ZNHIT6: variants seen among roughly 807,000 people sequenced by gnomAD.
ZNHIT6 encodes the protein box C/D snoRNA protein 1.
ZNHIT6 carries 45 observed loss-of-function variants against 57.2 expected under a neutral mutation model. That is an observed-to-expected ratio of 0.79 (90% CI 0.62 to 1.01). ZNHIT6 has a LOEUF of 1.01. Among genes scored for constraint, ZNHIT6 ranks in the 50% least tolerant of loss-of-function variants. The pLI, the probability that ZNHIT6 is intolerant of heterozygous loss-of-function variation, is 0.00. For missense variants in ZNHIT6, 528 were observed against 567.3 expected, an observed-to-expected ratio of 0.93 and a Z score of 0.70; for synonymous variants, 188 against 190.0, an observed-to-expected ratio of 0.99 and a Z score of 0.09.
chr1:85,682,214 CAGG>C (rs1661900365), intron 5 of ZNHIT6, among the ~76,000 whole-genome samples: 1 of 146,124 alleles, frequency 6.8e-6, no homozygotes, highest in African/African-American at 2.5e-5. Context: ...TTAGTAGACA[CAGG>C]GTTTCACTAC....
intron 5 of ZNHIT6, among the ~76,000 whole-genome samples, chr1:85,687,158 T>C (rs1422435567): frequency 6.6e-6 from 1 of 151,178 alleles, no homozygotes; most frequent in Non-Finnish European, 1.5e-5. Flanking sequence ...CGCTCAACTG[T>C]AGTCCTAGCT....
intron 8 of ZNHIT6, 143 bp from the exon 9 acceptor site, chr1:85,658,114 G>GCA (rs1661114569): frequency 4.0e-6 from 2 of 501,744 alleles, no homozygotes; most frequent in East Asian, 3.3e-5. Context: ...AGCATAGTAA[G>GCA]TTTAATACCT....
chr1:85,703,649 T>A (rs1662600760), intron 4 of ZNHIT6, among the ~76,000 whole-genome samples: 1 of 152,128 alleles, frequency 6.6e-6, no homozygotes, highest in Admixed American at 6.5e-5. Flanking sequence ...GTTAAAGACA[T>A]AAGTGTAAAA....
At chr1:85,705,925 C>T (rs1440298824) in intron 4 of ZNHIT6, among the ~76,000 whole-genome samples, 153 bp downstream of exon 4, 5 of 151,812 alleles carry the variant, frequency 3.3e-5, no homozygotes, top group Non-Finnish European at 5.9e-5. Flanking sequence ...CACGAGGGGA[C>T]GGACTTTGTT....
At chr1:85,677,522 C>T (rs1229560487) in intron 7 of ZNHIT6, among the ~76,000 whole-genome samples, 1 of 152,090 alleles carries the variant, frequency 6.6e-6, no homozygotes, top group Non-Finnish European at 1.5e-5. Flanking sequence ...TTTTAAAACA[C>T]CTGTTTCAAT....
At chr1:85,678,869 C>CT (rs1486278738) in intron 6 of ZNHIT6, 88 bp from the exon 7 acceptor site, 11 of 713,192 alleles carry the variant, frequency 1.5e-5, no homozygotes, top group South Asian at 2.5e-5. Flanking sequence ...AATATTGTGG[C>CT]TTTTTTGGTT....
chr1:85,665,510 ATTT>A (rs537318663), intron 8 of ZNHIT6, among the ~76,000 whole-genome samples: 1 of 151,990 alleles, frequency 6.6e-6, no homozygotes, highest in Non-Finnish European at 1.5e-5. Flanking sequence ...CTTACATAGC[ATTT>A]TTTTCTTTTT....
Position 85,680,890 on chromosome 1 carries a change from C to A in ZNHIT6, c.1034G>T (p.Cys345Phe), listed in dbSNP as rs866986956. The A allele has an allele frequency of 6.2e-7, 1 of 1,612,052 alleles. No individual in the cohort carries two copies. The highest frequency in any genetic ancestry group is 1.3e-5 in the African/African-American group (1 of 74,864). The part of the protein sequence containing the change: ...TFFDKKKQQF[C>F]WHVKLQFPQS... ...AGGAAACTGGAGCTTCACATGCCAACAAAACTGTTGTTTTCTAAGAGAGAA... is the reference window on the plus strand; with the variant it reads ...AGGAAACTGGAGCTTCACATGCCAAAAAAACTGTTGTTTTCTAAGAGAGAA... Residue 345 changes from cysteine to phenylalanine, a missense_variant, in exon 6 of 10, where the codon TGT becomes TTT. Physicochemically the swap from Cys to Phe is radical, Grantham distance 205. Coordinates refer to ENST00000370574, the MANE Select transcript of ZNHIT6 (RefSeq NM_017953.4).
rs1660979709 is a variant in ZNHIT6 at position 85,653,733 on chromosome 1, C to T, written c.*325G>A. ...CTCATACCACTTGCACTCCAAGACCCCATCTCAAAAAAAGAAAGAAAAAAG... is the reference window on the plus strand; with the variant it reads ...CTCATACCACTTGCACTCCAAGACCTCATCTCAAAAAAAGAAAGAAAAAAG... On this transcript the variant is annotated 3_prime_UTR_variant, in exon 10 of 10. Coordinates refer to ENST00000370574, the MANE Select transcript of ZNHIT6 (RefSeq NM_017953.4). The T allele has an allele frequency of 1.0e-5, 2 of 195,968 alleles. No individual in the cohort carries two copies. The highest frequency in any genetic ancestry group is 1.2e-4 in the Admixed American group (2 of 16,380). The allele number at this position is 195,968 out of a possible 1,614,324, so 12.1% of individuals were successfully genotyped here.
chr1:85,696,745 G>A (rs959589417), intron 5 of ZNHIT6, among the ~76,000 whole-genome samples: 1 of 151,928 alleles, frequency 6.6e-6, no homozygotes, highest in Non-Finnish European at 1.5e-5. Flanking sequence ...AACAATGGAA[G>A]AGGAAAATGG....
intron 5 of ZNHIT6, among the ~76,000 whole-genome samples, chr1:85,701,941 GACAC>G (rs3059888): frequency 0.78 from 117,806 of 150,314 alleles, 47,890 homozygotes; most frequent in East Asian, 0.95. Context: ...ATGATATGAA[GACAC>G]ACACACACAC....
At chr1:85,673,303 T>G (rs1661614862) in intron 8 of ZNHIT6, among the ~76,000 whole-genome samples, 1 of 152,200 alleles carries the variant, frequency 6.6e-6, no homozygotes, top group African/African-American at 2.4e-5. Context: ...TTCTAAGAGA[T>G]AAATTCAGAC....
intron 8 of ZNHIT6, among the ~76,000 whole-genome samples, chr1:85,673,495 C>A (rs561768967): frequency 1.7e-4 from 26 of 152,276 alleles, no homozygotes; most frequent in African/African-American, 6.0e-4. Flanking sequence ...TGCTATATAC[C>A]TTCCAAGAAT....
At chr1:85,701,219 T>C (rs1427469685) in intron 5 of ZNHIT6, among the ~76,000 whole-genome samples, 1 of 152,202 alleles carries the variant, frequency 6.6e-6, no homozygotes, top group Non-Finnish European at 1.5e-5. Flanking sequence ...TCTGATGGCT[T>C]TGTCTTTTCA....
At chr1:85,683,297 T>C (rs1433525163) in intron 5 of ZNHIT6, among the ~76,000 whole-genome samples, 1 of 152,192 alleles carries the variant, frequency 6.6e-6, no homozygotes, top group Non-Finnish European at 1.5e-5. Flanking sequence ...GGTGGGCAGA[T>C]CATGAGGTCA....
intron 7 of ZNHIT6, 114 bp downstream of exon 7, chr1:85,678,587 T>C (rs1570306956): frequency 1.4e-6 from 1 of 699,772 alleles, no homozygotes; most frequent in Non-Finnish European, 2.4e-6. Flanking sequence ...ACCAAGAAAA[T>C]GTGATAGAAA....
intron 8 of ZNHIT6, among the ~76,000 whole-genome samples, chr1:85,659,798 C>CT (rs1661174729): frequency 6.6e-6 from 1 of 152,192 alleles, no homozygotes; most frequent in Admixed American, 6.6e-5. Flanking sequence ...CAGAGCCAAG[C>CT]TTACTAAAGT....
chr1:85,683,071 G>C (rs1325836500), intron 5 of ZNHIT6, among the ~76,000 whole-genome samples: 1 of 152,102 alleles, frequency 6.6e-6, no homozygotes, highest in Non-Finnish European at 1.5e-5. Flanking sequence ...ACAAAAATGA[G>C]CCAGGCATGG....
chr1:85,693,931 C>A (rs2100705322), intron 5 of ZNHIT6, among the ~76,000 whole-genome samples: 2 of 151,936 alleles, frequency 1.3e-5, no homozygotes, highest in Non-Finnish European at 2.9e-5. Context: ...CTAGCCTGGG[C>A]AACACAGCAA....
Sources: allele counts gnomAD v4.1 joint callset (sites outside exome capture counted in the v4.1 genomes callset), GRCh38; gene constraint gnomAD v4.1.1; transcripts MANE v1.5; gene names NCBI Gene and HGNC (gene_info 2026-07-23, HGNC 2026-07-21).